The following CTNNA3 variants were observed in gnomAD, a reference collection of about 807,000 sequenced individuals.
The protein encoded by CTNNA3 is catenin alpha-3.
CTNNA3 carries 76 observed loss-of-function variants against 95.7 expected under a neutral mutation model. That is an observed-to-expected ratio of 0.79 (90% CI 0.66 to 0.96). CTNNA3 has a LOEUF of 0.96. CTNNA3 is among the 40% of genes least tolerant of loss of function. The probability of loss-of-function intolerance (pLI) is 0.00; values close to 1 mark genes in which losing one functional copy is unlikely to be tolerated. For missense variants in CTNNA3, 1,191 were observed against 1,089.8 expected (o/e 1.09, Z -1.31); for synonymous variants, 431 against 374.4 (o/e 1.15, Z -1.74).
intron 12 of CTNNA3, among the ~76,000 whole-genome samples, chr10:66,322,568 G>A (rs2092204031): frequency 6.6e-6 from 1 of 152,006 alleles, no homozygotes; most frequent in Non-Finnish European, 1.5e-5. Context: ...CAGATTTCCT[G>A]GAATCTTTGG....
intron 3 of CTNNA3, among the ~76,000 whole-genome samples, chr10:67,551,854 C>T (rs7078650): frequency 6.6e-6 from 1 of 152,056 alleles, no homozygotes; most frequent in Non-Finnish European, 1.5e-5. Context: ...CCAAATGCCT[C>T]CCTCAGGGAT....
At chr10:66,445,090 G>T (rs1329292344) in intron 11 of CTNNA3, among the ~76,000 whole-genome samples, 2 of 151,960 alleles carry the variant, frequency 1.3e-5, no homozygotes, top group African/African-American at 4.8e-5. Context: ...ATTACATAAT[G>T]GTAAAGGAAT....
chr10:66,716,896 T>C (rs1453117975), intron 9 of CTNNA3, among the ~76,000 whole-genome samples: 1 of 152,200 alleles, frequency 6.6e-6, no homozygotes, highest in Non-Finnish European at 1.5e-5. Flanking sequence ...CAAATATTTA[T>C]CTAAATGTTT....
chr10:67,027,169 G>A (rs1156946815), intron 7 of CTNNA3, among the ~76,000 whole-genome samples: 1 of 152,132 alleles, frequency 6.6e-6, no homozygotes, highest in Non-Finnish European at 1.5e-5. Flanking sequence ...AGACAGAAGA[G>A]GGAAAGGAGC....
intron 12 of CTNNA3, among the ~76,000 whole-genome samples, chr10:66,309,685 C>CAA (rs60400266): frequency 0.067 from 2,790 of 41,720 alleles, 411 homozygotes; most frequent in Non-Finnish European, 0.073. Flanking sequence ...GACTCCGTCT[C>CAA]AAAAAAAAAA....
At chr10:66,498,460 T>C (rs1182082927) in intron 11 of CTNNA3, among the ~76,000 whole-genome samples, 1 of 152,112 alleles carries the variant, frequency 6.6e-6, no homozygotes, top group Non-Finnish European at 1.5e-5. Flanking sequence ...AATGGCACAT[T>C]CAAGTTTTTC....
chr10:66,988,038 G>C (rs966301505), intron 7 of CTNNA3, among the ~76,000 whole-genome samples: 1 of 152,074 alleles, frequency 6.6e-6, no homozygotes, highest in South Asian at 2.1e-4. Flanking sequence ...ATATAATTTA[G>C]TCTTTTTGTC....
intron 12 of CTNNA3, among the ~76,000 whole-genome samples, chr10:66,330,126 G>C (rs1276867192): frequency 6.6e-6 from 1 of 151,892 alleles, no homozygotes; most frequent in Non-Finnish European, 1.5e-5. Context: ...GTAAAAGTTT[G>C]TTACATATGT....
intron 7 of CTNNA3, among the ~76,000 whole-genome samples, chr10:66,865,803 C>T (rs568509337): frequency 6.6e-6 from 1 of 151,934 alleles, no homozygotes; most frequent in East Asian, 1.9e-4. Context: ...GACAGTGATT[C>T]TGCATAGAGA....
chr10:67,376,264 G>A (rs948592366), intron 5 of CTNNA3, among the ~76,000 whole-genome samples: 26 of 152,166 alleles, frequency 1.7e-4, no homozygotes, highest in Non-Finnish European at 2.9e-4. Context: ...TACCTTCAAG[G>A]GAGGTCAGGA....
At chr10:66,317,915 T>C (rs931152002) in intron 12 of CTNNA3, among the ~76,000 whole-genome samples, 1 of 152,082 alleles carries the variant, frequency 6.6e-6, no homozygotes, top group Admixed American at 6.5e-5. Context: ...CACTAATGGA[T>C]TCTCCTTTTA....
chr10:66,365,807 C>T (rs907270126), intron 12 of CTNNA3, among the ~76,000 whole-genome samples: 5 of 151,718 alleles, frequency 3.3e-5, no homozygotes, highest in Non-Finnish European at 7.4e-5. Context: ...CACTGAGGTG[C>T]CATGATGTGA....
chr10:67,706,936 T>C (rs578043497), intron 1 of CTNNA3, among the ~76,000 whole-genome samples: 4 of 152,296 alleles, frequency 2.6e-5, no homozygotes, highest in African/African-American at 9.6e-5. Context: ...TCTTGATTTT[T>C]GTCTCTCAAA....
At chr10:66,662,535 C>G (rs1180434680) in intron 9 of CTNNA3, among the ~76,000 whole-genome samples, 1 of 152,094 alleles carries the variant, frequency 6.6e-6, no homozygotes, top group East Asian at 1.9e-4. Context: ...AAGAGCTCTT[C>G]TACTTACTTT....
chr10:66,133,607 T>C (rs1190552280), intron 13 of CTNNA3, among the ~76,000 whole-genome samples: 1 of 145,584 alleles, frequency 6.9e-6, no homozygotes, highest in Non-Finnish European at 1.5e-5. Context: ...AAAAAAAAAG[T>C]CGATGAAGCG....
chr10:66,225,420 T>TATATATAC (rs1292280868), intron 13 of CTNNA3, among the ~76,000 whole-genome samples: 1 of 138,892 alleles, frequency 7.2e-6, no homozygotes, highest in Non-Finnish European at 1.6e-5. Flanking sequence ...TATATATATA[T>TATATATAC]ATGAATGAAT....
intron 7 of CTNNA3, among the ~76,000 whole-genome samples, chr10:67,074,640 G>A (rs1002379239): frequency 3.3e-5 from 5 of 152,178 alleles, no homozygotes; most frequent in Non-Finnish European, 5.9e-5. Context: ...GTGAGCCACC[G>A]CGCCCAACCC....
At chr10:66,042,030 T>C (rs1256123161) in intron 15 of CTNNA3, among the ~76,000 whole-genome samples, 1 of 152,220 alleles carries the variant, frequency 6.6e-6, no homozygotes, top group Non-Finnish European at 1.5e-5. Flanking sequence ...CTTCCACTTA[T>C]GCTCTGGCAA....
intron 13 of CTNNA3, among the ~76,000 whole-genome samples, chr10:66,217,282 G>T (rs934119553): frequency 6.6e-5 from 10 of 151,484 alleles, no homozygotes; most frequent in Non-Finnish European, 8.8e-5. Flanking sequence ...GAACCCGAGA[G>T]GCAGAGGTTG....
Sources: gnomAD v4.1 joint callset for allele counts (sites outside exome capture counted in the v4.1 genomes callset) on GRCh38, gnomAD v4.1.1 for gene constraint, MANE v1.5 for transcripts, NCBI Gene and HGNC (gene_info 2026-07-23, HGNC 2026-07-21) for gene names.